Variants in MAPRE2 observed in about 807,000 individuals in gnomAD.
MAPRE2 encodes the protein microtubule-associated protein RP/EB family member 2.
A neutral mutation model predicts 43.2 loss-of-function variants in MAPRE2; 13 were observed. The ratio of observed to expected loss-of-function variants is 0.30; its 90% CI spans 0.20 to 0.48. MAPRE2 has a LOEUF of 0.48. MAPRE2 is among the 20% of genes least tolerant of loss of function. The pLI is 0.99. For missense variants in MAPRE2, 161 were observed against 400.2 expected (o/e 0.40, Z 5.10); for synonymous variants, 135 against 148.8 (o/e 0.91, Z 0.68).
Position 35,064,000 on chromosome 18 carries a change from T to TAAAAAAAAAAAAAAAAA in MAPRE2, c.123-6178_123-6162dup, listed in dbSNP as rs575347953. Among the ~76,000 whole-genome samples the TAAAAAAAAAAAAAAAAA allele has an allele frequency of 1.5e-3, 52 of 33,958 alleles. 8 individuals carry two copies. The highest frequency in any genetic ancestry group is 2.4e-3 in the Non-Finnish European group (46 of 19,556). 22.3% of individuals were successfully genotyped at this position (33,958 alleles called of 152,430 possible). On this transcript the variant is annotated intron_variant, in intron 1 of 6. Coordinates refer to ENST00000300249, the MANE Select transcript of MAPRE2 (RefSeq NM_014268.4). ...ACTGCCGAGTGAGACCCTGTCTCTT[T>TAAAAAAAAAAAAAAAAA]AAAAAAAAAAAAAAAAAAAAAAAAA...
chr18:35,046,760 A>G (rs1905642755), intron 1 of MAPRE2, among the ~76,000 whole-genome samples: 1 of 152,184 alleles, frequency 6.6e-6, no homozygotes, highest in Admixed American at 6.5e-5. Context: ...ATGTGCAGAG[A>G]TCAGGACTAG....
At chr18:35,012,247 T>G (rs1452297833) in intron 2 of MAPRE2, among the ~76,000 whole-genome samples, 2 of 152,184 alleles carry the variant, frequency 1.3e-5, no homozygotes, top group African/African-American at 4.8e-5. Context: ...TATCTTTATG[T>G]ATATATATGG....
intron 2 of MAPRE2, among the ~76,000 whole-genome samples, chr18:35,020,160 C>G (rs1603390765): frequency 6.6e-6 from 1 of 152,052 alleles, no homozygotes; most frequent in Non-Finnish European, 1.5e-5. Flanking sequence ...GAAAGCAATT[C>G]AGATGAATCA....
chr18:35,019,276 G>A (rs1055201725), intron 2 of MAPRE2, among the ~76,000 whole-genome samples: 9 of 152,034 alleles, frequency 5.9e-5, no homozygotes, highest in African/African-American at 2.2e-4. Flanking sequence ...TATGTTCCAT[G>A]TGCAGATGAG....
intron 1 of MAPRE2, among the ~76,000 whole-genome samples, chr18:35,045,868 CAGA>C (rs1905596148): frequency 6.6e-6 from 1 of 152,190 alleles, no homozygotes; most frequent in Admixed American, 6.5e-5. Context: ...TTGTAAAAAT[CAGA>C]AGATTACTTG....
intron 6 of MAPRE2, 58 bp from the exon 7 acceptor site, chr18:35,140,237 G>A: frequency 6.8e-7 from 1 of 1,472,194 alleles, no homozygotes. Context: ...GGGCTGGGAT[G>A]CTGCAGGGCC....
chr18:35,028,456 GTATAC>G (rs1439610290), intron 2 of MAPRE2, among the ~76,000 whole-genome samples: 1 of 152,084 alleles, frequency 6.6e-6, no homozygotes, highest in Non-Finnish European at 1.5e-5. Context: ...AATATATAAT[GTATAC>G]TATATTTTCT....
chr18:35,063,999 TTAAAAAAAA>T (rs1444377479), intron 1 of MAPRE2, among the ~76,000 whole-genome samples: 11,073 of 60,604 alleles, frequency 0.18, 969 homozygotes, highest in East Asian at 0.45. Flanking sequence ...CCCTGTCTCT[TTAAAAAAAA>T]AAAAAAAAAA....
At chr18:34,979,236 A>T (rs924275659) in intron 1 of MAPRE2, among the ~76,000 whole-genome samples, 5 of 152,170 alleles carry the variant, frequency 3.3e-5, no homozygotes, top group African/African-American at 7.2e-5. Context: ...TGGTTTCTGC[A>T]CTGTTGTTAA....
At chr18:35,060,461 GACCA>G (rs1226890206) in intron 1 of MAPRE2, among the ~76,000 whole-genome samples, 1 of 152,162 alleles carries the variant, frequency 6.6e-6, no homozygotes, top group African/African-American at 2.4e-5. Flanking sequence ...CTGCATTTCT[GACCA>G]TATGAAGAAG....
chr18:35,036,867 A>G (rs2097050832), upstream of MAPRE2, among the ~76,000 whole-genome samples: 1 of 152,248 alleles, frequency 6.6e-6, no homozygotes, highest in African/African-American at 2.4e-5. Context: ...CTGCAGATAG[A>G]GCGGTGAACA....
At chr18:35,132,441 T>C (rs1188040717) in intron 6 of MAPRE2, among the ~76,000 whole-genome samples, 6 of 152,154 alleles carry the variant, frequency 3.9e-5, no homozygotes. Flanking sequence ...GACAGAAAAA[T>C]ATGCTTATGC....
At position 35,041,449 on chromosome 18, in the gene MAPRE2, C is replaced by A. The variant is rs577134420; in HGVS notation, c.-91C>A. 1.3e-5 allele frequency: 21 copies of A among 1,601,266 alleles called. No individual in the cohort carries two copies. Among genetic ancestry groups the A allele is most frequent in the South Asian group, 1.1e-4 (10 of 90,448 alleles). On this transcript the variant is annotated 5_prime_UTR_variant, in exon 1 of 7. Transcript: ENST00000300249. ...GAGCGAGCAGGCGGCAGGCACGGTC[C>A]GTGCGGAGCAGGCGAGCGAGCGGGA...
At chr18:35,030,066 T>G (rs2097047084) in intron 2 of MAPRE2, among the ~76,000 whole-genome samples, 1 of 152,146 alleles carries the variant, frequency 6.6e-6, no homozygotes, top group African/African-American at 2.4e-5. Flanking sequence ...GACAAGAAAA[T>G]TATTTTTTTC....
At chr18:35,121,592 G>A (rs1171185334) in intron 4 of MAPRE2, among the ~76,000 whole-genome samples, 2 of 151,558 alleles carry the variant, frequency 1.3e-5, no homozygotes, top group African/African-American at 2.4e-5. Context: ...ATCCTCAAAT[G>A]CAGCTTGAAA....
chr18:35,074,355 A>G (rs1450861301), intron 2 of MAPRE2, among the ~76,000 whole-genome samples: 1 of 152,050 alleles, frequency 6.6e-6, no homozygotes, highest in African/African-American at 2.4e-5. Context: ...ATAAGGTAGC[A>G]ATGAGGGTGA....
chr18:35,077,524 AG>A (rs1476357247), intron 2 of MAPRE2, among the ~76,000 whole-genome samples: 1 of 152,220 alleles, frequency 6.6e-6, no homozygotes, highest in African/African-American at 2.4e-5. Flanking sequence ...TGTTGTACCA[AG>A]GGATGGGTCA....
intron 4 of MAPRE2, among the ~76,000 whole-genome samples, chr18:35,103,615 C>G (rs1199559152): frequency 2.6e-5 from 4 of 152,080 alleles, no homozygotes; most frequent in African/African-American, 7.2e-5. Context: ...GTAATGGAAG[C>G]TGGAAGCAAA....
At chr18:35,026,609 G>A (rs920254696) in intron 2 of MAPRE2, among the ~76,000 whole-genome samples, 11 of 152,050 alleles carry the variant, frequency 7.2e-5, no homozygotes, top group Non-Finnish European at 4.4e-5. Flanking sequence ...TACCACATGG[G>A]GTCAGGTTTG....
Sources: allele counts gnomAD v4.1 joint callset (sites outside exome capture counted in the v4.1 genomes callset), GRCh38; gene constraint gnomAD v4.1.1; transcripts MANE v1.5; gene names NCBI Gene and HGNC (gene_info 2026-07-23, HGNC 2026-07-21).